The following MDGA2 variants were observed in gnomAD, a reference collection of about 807,000 sequenced individuals.
The protein encoded by MDGA2 is MAM domain-containing glycosylphosphatidylinositol anchor protein 2.
Under a neutral mutation model 117.8 loss-of-function variants are expected in MDGA2, and 40 were observed. That is an observed-to-expected ratio of 0.34 (90% CI 0.26 to 0.44). MDGA2 has a LOEUF of 0.44. MDGA2 is among the 20% of genes least tolerant of loss of function. The probability of loss-of-function intolerance (pLI) is 1.00; values close to 1 mark genes in which losing one functional copy is unlikely to be tolerated. For missense variants in MDGA2, 1,123 were observed against 1,250.6 expected (o/e 0.90, Z 1.54); for synonymous variants, 452 against 439.0 (o/e 1.03, Z -0.37).
intron 9 of MDGA2, among the ~76,000 whole-genome samples, chr14:46,946,524 G>A (rs998964007): frequency 6.6e-6 from 1 of 152,054 alleles, no homozygotes; most frequent in South Asian, 2.1e-4. Flanking sequence ...GCAGGAATAA[G>A]TGCTTGTTAA....
In MDGA2 at chr14:47,405,624, C is replaced by T. The variant is rs116939687; in HGVS notation, c.281-104074G>A. On this transcript the variant is annotated intron_variant, in intron 1 of 16. Coordinates refer to ENST00000399232, the MANE Select transcript of MDGA2 (RefSeq NM_001113498.3). Reference sequence around the variant, plus strand: ...ACTTTGTCCAATTTCAGAGTCTTTCCAAATACCTTTCTTGAATTATGAAAT... The same window carrying T: ...ACTTTGTCCAATTTCAGAGTCTTTCTAAATACCTTTCTTGAATTATGAAAT... Among the ~76,000 whole-genome samples, 900 of 152,246 alleles carry T rather than the reference C, an allele frequency of 5.9e-3. 5 individuals carry two copies. The highest frequency in any genetic ancestry group is 0.01 in the Middle Eastern group (3 of 294).
intron 1 of MDGA2, among the ~76,000 whole-genome samples, chr14:47,597,364 A>G (rs918774085): frequency 1.3e-5 from 2 of 152,304 alleles, no homozygotes; most frequent in South Asian, 2.1e-4. Flanking sequence ...ACTGAAGTCA[A>G]TTGGGAAAAA....
chr14:47,125,570 GA>G (rs202214939), intron 5 of MDGA2, among the ~76,000 whole-genome samples: 3 of 144,556 alleles, frequency 2.1e-5, no homozygotes, highest in South Asian at 2.2e-4. Context: ...GAGACAAAAA[GA>G]AAAAAAAAGA....
chr14:47,020,170 C>T (rs1162462659), intron 8 of MDGA2, among the ~76,000 whole-genome samples: 2 of 151,924 alleles, frequency 1.3e-5, no homozygotes, highest in Admixed American at 6.5e-5. Context: ...CTATGGGAAC[C>T]GCTTTATCTA....
At chr14:47,660,843 G>C (rs1897832455) in intron 1 of MDGA2, among the ~76,000 whole-genome samples, 1 of 151,978 alleles carries the variant, frequency 6.6e-6, no homozygotes, top group South Asian at 2.1e-4. Context: ...CATTTTTACA[G>C]GTTACTAATT....
chr14:47,406,625 G>T (rs775707710), intron 1 of MDGA2, among the ~76,000 whole-genome samples: 2 of 151,968 alleles, frequency 1.3e-5, no homozygotes, highest in Non-Finnish European at 2.9e-5. Context: ...ATTTAAAGTA[G>T]TAATTGGCTT....
chr14:47,076,067 T>C (rs1890479758), intron 6 of MDGA2, among the ~76,000 whole-genome samples: 1 of 152,100 alleles, frequency 6.6e-6, no homozygotes, highest in African/African-American at 2.4e-5. Context: ...TGACTTTTAC[T>C]CAATAAAATA....
At chr14:47,011,818 T>A (rs1594524712) in intron 8 of MDGA2, among the ~76,000 whole-genome samples, 1 of 152,050 alleles carries the variant, frequency 6.6e-6, no homozygotes, top group Non-Finnish European at 1.5e-5. Flanking sequence ...ATATCCCCCA[T>A]GGAAAACAAT....
intron 7 of MDGA2, among the ~76,000 whole-genome samples, chr14:47,044,175 C>T (rs1035432781): frequency 6.6e-6 from 1 of 151,928 alleles, no homozygotes; most frequent in Non-Finnish European, 1.5e-5. Flanking sequence ...TAATAATCAG[C>T]TCTTGATTAT....
rs1889730949 is a variant in MDGA2, at chr14:47,057,645, TCCCC to T, written c.1525+3600_1525+3603del. ...TCCTCTCCCCTCCCCTCCCCTCCTT[TCCCC>T]TCCCCTCCCCTCCTTTCCCCTCCCT... On this transcript the variant is annotated intron_variant, in intron 7 of 16. Transcript: ENST00000399232. 7.0e-5 allele frequency among the ~76,000 whole-genome samples: 2 copies of T among 28,518 alleles called. 1 individual carries two copies. Among genetic ancestry groups the T allele is most frequent in the Non-Finnish European group, 1.7e-4 (2 of 11,670 alleles). 18.7% of individuals were successfully genotyped at this position (28,518 alleles called of 152,430 possible).
rs569200157 is a variant in MDGA2 at position 47,024,695 on chromosome 14, T to G, written c.1819+10316A>C. On this transcript the variant is annotated intron_variant, in intron 8 of 16. Coordinates refer to ENST00000399232, the MANE Select transcript of MDGA2 (RefSeq NM_001113498.3). ...TTAAATTTCAAGAAAAGTATTTGAC[T>G]TCTTTCTTTAAGAAAATAGTTTGAA... Among the ~76,000 whole-genome samples, 152 of 152,336 alleles carry G rather than the reference T, an allele frequency of 1.0e-3. 1 individual carries two copies. Among genetic ancestry groups the G allele is most frequent in the African/African-American group, 3.5e-3 (146 of 41,588 alleles).
rs76932049 is a variant in MDGA2 at position 47,529,344 on chromosome 14, T to C, written c.280+145173A>G. On this transcript the variant is annotated intron_variant, in intron 1 of 16. Coordinates refer to ENST00000399232, the MANE Select transcript of MDGA2 (RefSeq NM_001113498.3). ...GAGCAATTATCACTTTTTAAATTTATTTTTAATTTTGTGAGTACATAGCAG... is the reference window on the plus strand; with the variant it reads ...GAGCAATTATCACTTTTTAAATTTACTTTTAATTTTGTGAGTACATAGCAG... 9.8e-3 allele frequency among the ~76,000 whole-genome samples: 1,493 copies of C among 152,280 alleles called. 26 individuals carry two copies. Among genetic ancestry groups the C allele is most frequent in the African/African-American group, 0.034 (1,430 of 41,564 alleles).
intron 6 of MDGA2, among the ~76,000 whole-genome samples, chr14:47,070,893 C>A (rs769987157): frequency 1.5e-4 from 23 of 152,236 alleles, no homozygotes; most frequent in Non-Finnish European, 3.1e-4. Flanking sequence ...CAGGTGTGAA[C>A]CACCGCACCC....
At chr14:47,251,414 C>T (rs8019450) in intron 2 of MDGA2, among the ~76,000 whole-genome samples, 125,434 of 152,164 alleles carry the variant, frequency 0.82, 52,029 homozygotes, top group East Asian at 0.93. Context: ...CCCTGTTGTA[C>T]CTTCAAAAGT....
chr14:47,000,001 T>C (rs912035685), intron 8 of MDGA2, among the ~76,000 whole-genome samples: 5 of 151,962 alleles, frequency 3.3e-5, no homozygotes, highest in Non-Finnish European at 2.9e-5. Context: ...AATACCAGCA[T>C]TGTCCTTTGA....
rs8013595 is a variant in MDGA2, at chr14:47,192,345, G to A, written c.595+25676C>T. ...GAAAGGAGGTATGGGGCCGAACGAG[G>A]TGACTCATGCCTGTCAGCCCAGAAC... is the stretch of plus-strand genomic sequence containing the variant. On this transcript the variant is annotated intron_variant, in intron 3 of 16. Coordinates refer to ENST00000399232, the MANE Select transcript of MDGA2 (RefSeq NM_001113498.3). 2.6e-3 allele frequency among the ~76,000 whole-genome samples: 398 copies of A among 152,120 alleles called. 4 individuals carry two copies. The highest frequency in any genetic ancestry group is 9.0e-3 in the African/African-American group (374 of 41,480).
At chr14:47,202,636 C>T (rs1885549992) in intron 3 of MDGA2, among the ~76,000 whole-genome samples, 1 of 152,174 alleles carries the variant, frequency 6.6e-6, no homozygotes. Context: ...ATCCTTACAG[C>T]AATCCTATAA....
In MDGA2 at chr14:47,106,888, C is replaced by A. The variant is rs1316478329; in HGVS notation, c.926-9765G>T. Reference sequence around the variant, plus strand: ...TCCCCAACTCTGGTGCCAACTTAGACAATACTCTTTTAAGCACTCCTTTTT... The same window carrying A: ...TCCCCAACTCTGGTGCCAACTTAGAAAATACTCTTTTAAGCACTCCTTTTT... On this transcript the variant is annotated intron_variant, in intron 5 of 16. Coordinates refer to ENST00000399232, the MANE Select transcript of MDGA2 (RefSeq NM_001113498.3). 5.3e-4 allele frequency among the ~76,000 whole-genome samples: 73 copies of A among 137,734 alleles called. 1 individual carries two copies. The highest frequency in any genetic ancestry group is 7.8e-4 in the Non-Finnish European group (49 of 62,488). 90.4% of individuals were successfully genotyped at this position (137,734 alleles called of 152,430 possible).
chr14:47,504,108 G>C (rs928968984), intron 1 of MDGA2, among the ~76,000 whole-genome samples: 5 of 152,018 alleles, frequency 3.3e-5, no homozygotes, highest in Non-Finnish European at 5.9e-5. Flanking sequence ...GAATATATCT[G>C]GGGTTAAACG....
Sources: allele counts gnomAD v4.1 joint callset (sites outside exome capture counted in the v4.1 genomes callset), GRCh38; gene constraint gnomAD v4.1.1; transcripts MANE v1.5; gene names NCBI Gene and HGNC (gene_info 2026-07-23, HGNC 2026-07-21).